The following NSG2 variants were observed in gnomAD, a reference collection of about 807,000 sequenced individuals.
NSG2 encodes the protein neuronal vesicle trafficking associated 2, also known as neuronal vesicle trafficking-associated protein 2.
In NSG2, 4 loss-of-function variants were observed where a neutral mutation model predicts 16.9. The ratio of observed to expected loss-of-function variants is 0.24; its 90% CI spans 0.12 to 0.54. The LOEUF (loss-of-function observed/expected upper bound fraction) is 0.54. NSG2 is among the 20% of genes least tolerant of loss of function. NSG2 has a pLI of 0.95. For synonymous variants in NSG2, 98 were observed against 88.7 expected, an observed-to-expected ratio of 1.11 and a Z score of -0.59; for missense variants, 179 against 221.1, an observed-to-expected ratio of 0.81 and a Z score of 1.21.
chr5:174,046,721 C>T lies in NSG2; in HGVS notation c.-22-13C>T. 6.2e-7 allele frequency: 1 copy of T among 1,613,218 alleles called. No individual in the cohort carries two copies. The highest frequency in any genetic ancestry group is 1.3e-5 in the African/African-American group (1 of 75,008). On this transcript the variant is annotated splice_polypyrimidine_tract_variant and intron_variant, in intron 1 of 4. Transcript: ENST00000303177. ...ACCTCCTGCTGTAACCAGAATCCCA[C>T]TGCTTGCCTTAGGTCTGGGAAGAAA...
chr5:174,101,636 C>G (rs1760897725), intron 3 of NSG2, among the ~76,000 whole-genome samples: 1 of 152,228 alleles, frequency 6.6e-6, no homozygotes, highest in Non-Finnish European at 1.5e-5. Flanking sequence ...CATTCCCTTT[C>G]ATGGCTGAAT....
intron 3 of NSG2, among the ~76,000 whole-genome samples, chr5:174,093,583 A>G (rs1405462275): frequency 6.6e-6 from 1 of 152,068 alleles, no homozygotes; most frequent in Non-Finnish European, 1.5e-5. Flanking sequence ...AGAGGTTGCA[A>G]CCCCTTTGAA....
chr5:174,052,922 C>T (rs922285933), intron 2 of NSG2, among the ~76,000 whole-genome samples: 5 of 152,114 alleles, frequency 3.3e-5, no homozygotes, highest in Admixed American at 6.6e-5. Flanking sequence ...TCTGGGCAAA[C>T]GCTTCTTTTC....
rs184327819 is a variant in NSG2, at chr5:174,077,326, C to T, written c.213+13011C>T. Among the ~76,000 whole-genome samples, 4 of 152,282 alleles carry T rather than the reference C, an allele frequency of 2.6e-5. No homozygotes were observed. In the East Asian group the frequency reaches 7.7e-4, roughly 29 times the overall value. On this transcript the variant is annotated intron_variant, in intron 3 of 4. Transcript: ENST00000303177. ...CAGTCAGAGTGTGTCTCTTCTGAAA[C>T]TCACAGGCAATCACTTCCTTTCCCT...
At chr5:174,099,179 C>T (rs182938324) in intron 3 of NSG2, among the ~76,000 whole-genome samples, 1 of 152,240 alleles carries the variant, frequency 6.6e-6, no homozygotes, top group Admixed American at 6.5e-5. Flanking sequence ...GGATGCCTCG[C>T]AGAACTGAAA....
chr5:174,063,011 T>C (rs1040062697), intron 2 of NSG2, among the ~76,000 whole-genome samples: 2 of 152,200 alleles, frequency 1.3e-5, no homozygotes, highest in Admixed American at 6.5e-5. Flanking sequence ...TTAGCATCTC[T>C]GAGCTTGAGT....
chr5:174,077,281 G>C (rs535134005), intron 3 of NSG2, among the ~76,000 whole-genome samples: 1 of 152,076 alleles, frequency 6.6e-6, no homozygotes, highest in South Asian at 2.1e-4. Flanking sequence ...TCCTCTCTTC[G>C]GTTTTGACAT....
intron 3 of NSG2, among the ~76,000 whole-genome samples, chr5:174,099,622 C>A (rs1760868309): frequency 6.6e-6 from 1 of 152,180 alleles, no homozygotes; most frequent in Non-Finnish European, 1.5e-5. Flanking sequence ...TGCCCAGGCC[C>A]CCAGGCTTCC....
intron 2 of NSG2, among the ~76,000 whole-genome samples, chr5:174,051,896 A>C (rs1759894917): frequency 6.6e-6 from 1 of 152,256 alleles, no homozygotes; most frequent in Non-Finnish European, 1.5e-5. Context: ...TGGAGGAACG[A>C]TCAGGGGGCC....
At chr5:174,089,684 A>C (rs1760691930) in intron 3 of NSG2, among the ~76,000 whole-genome samples, 1 of 151,874 alleles carries the variant, frequency 6.6e-6, no homozygotes, top group Admixed American at 6.6e-5. Flanking sequence ...GGGGTGCACG[A>C]CTCACTGTAG....
chr5:174,090,815 T>C (rs1760709597), intron 3 of NSG2, among the ~76,000 whole-genome samples: 1 of 152,314 alleles, frequency 6.6e-6, no homozygotes, highest in South Asian at 2.1e-4. Context: ...GGCTGACTTA[T>C]GTCCAGAGGA....
chr5:174,060,621 A>G (rs1256757674), intron 2 of NSG2, among the ~76,000 whole-genome samples: 1 of 145,118 alleles, frequency 6.9e-6, no homozygotes, highest in African/African-American at 2.8e-5. Context: ...AAGTCCAGCC[A>G]TAGGCTAGCT....
chr5:174,049,618 A>G (rs1759857001), intron 2 of NSG2, among the ~76,000 whole-genome samples: 1 of 152,174 alleles, frequency 6.6e-6, no homozygotes, highest in South Asian at 2.1e-4. Flanking sequence ...CATCCTGGAC[A>G]TAGAGCCCAG....
intron 3 of NSG2, among the ~76,000 whole-genome samples, chr5:174,091,470 T>C (rs916316484): frequency 6.6e-6 from 1 of 151,574 alleles, no homozygotes; most frequent in Non-Finnish European, 1.5e-5. Flanking sequence ...ATAGCACATG[T>C]GATGTGTGGC....
intron 3 of NSG2, among the ~76,000 whole-genome samples, chr5:174,089,172 C>T (rs1760681769): frequency 6.6e-6 from 1 of 152,150 alleles, no homozygotes; most frequent in African/African-American, 2.4e-5. Context: ...GGACTAGCCC[C>T]AAATGGCAAA....
At chr5:174,071,070 C>T (rs1024418347) in intron 3 of NSG2, among the ~76,000 whole-genome samples, 3 of 152,208 alleles carry the variant, frequency 2.0e-5, no homozygotes, top group African/African-American at 7.2e-5. Context: ...GGAATGCCTG[C>T]AGTCCAGACC....
At chr5:174,052,282 G>A (rs995995280) in intron 2 of NSG2, among the ~76,000 whole-genome samples, 1 of 152,148 alleles carries the variant, frequency 6.6e-6, no homozygotes, top group African/African-American at 2.4e-5. Flanking sequence ...GGGAGGAGAG[G>A]GTAGTGGGGC....
chr5:174,070,966 C>A (rs772467548), intron 3 of NSG2, among the ~76,000 whole-genome samples: 7 of 152,218 alleles, frequency 4.6e-5, no homozygotes, highest in Non-Finnish European at 1.0e-4. Context: ...CCTGACCCCA[C>A]ACCCTGATCC....
Position 174,058,586 on chromosome 5 carries a change from G to A in NSG2, c.130-5646G>A, listed in dbSNP as rs570925098. ...ATCAGAAAGAGGAGGAGCCTGGAGT[G>A]GAGACGGAGGAGGGCTGCTGGGTGA... is the stretch of plus-strand genomic sequence containing the variant. On this transcript the variant is annotated intron_variant, in intron 2 of 4. Transcript: ENST00000303177. Among the ~76,000 whole-genome samples, 5 of 152,282 alleles carry A rather than the reference G, an allele frequency of 3.3e-5. No individual in the cohort carries two copies. The South Asian group carries it at 1.0e-3, about 32-fold the overall frequency.
Sources: gnomAD v4.1 joint callset for allele counts (sites outside exome capture counted in the v4.1 genomes callset) on GRCh38, gnomAD v4.1.1 for gene constraint, MANE v1.5 for transcripts, NCBI Gene and HGNC (gene_info 2026-07-23, HGNC 2026-07-21) for gene names.